NCAM2: variants seen among roughly 807,000 people sequenced by gnomAD.
The protein encoded by NCAM2 is neural cell adhesion molecule 2.
Under a neutral mutation model 98.1 loss-of-function variants are expected in NCAM2, and 30 were observed. That is an observed-to-expected ratio of 0.31 (90% CI 0.23 to 0.41). The LOEUF (loss-of-function observed/expected upper bound fraction) is 0.41. NCAM2 is among the 10% of genes least tolerant of loss of function. The pLI is 1.00. For synonymous variants in NCAM2, 368 were observed against 342.4 expected (o/e 1.07, Z -0.83); for missense variants, 867 against 1,005.8 (o/e 0.86, Z 1.87).
intron 16 of NCAM2, among the ~76,000 whole-genome samples, chr21:21,514,334 G>T (rs2146369532): frequency 6.6e-6 from 1 of 151,504 alleles, no homozygotes; most frequent in South Asian, 2.1e-4. Context: ...ACATTAGCTA[G>T]GCATGGTGGT....
At chr21:21,452,624 A>G (rs1372116388) in intron 12 of NCAM2, among the ~76,000 whole-genome samples, 1 of 114,066 alleles carries the variant, frequency 8.8e-6, no homozygotes, top group Non-Finnish European at 1.7e-5. Context: ...TATAATATAT[A>G]CAATATATTA....
rs920129083 is a variant in NCAM2 at position 21,212,675 on chromosome 21, A to G, written c.56-67903A>G. Among the ~76,000 whole-genome samples, 10 of 152,184 alleles carry G rather than the reference A, an allele frequency of 6.6e-5. No individual in the cohort carries two copies. In the South Asian group the frequency reaches 1.7e-3, roughly 25 times the overall value. ...AAAATGTTATCAGTGGAGGAATTGGACAAAATGTACATGAGGTGTCTCTAT... is the reference window on the plus strand; with the variant it reads ...AAAATGTTATCAGTGGAGGAATTGGGCAAAATGTACATGAGGTGTCTCTAT... On this transcript the variant is annotated intron_variant, in intron 1 of 17. Transcript: ENST00000400546.
intron 1 of NCAM2, among the ~76,000 whole-genome samples, chr21:20,998,989 C>A (rs1003396723): frequency 6.6e-6 from 1 of 151,936 alleles, no homozygotes; most frequent in Non-Finnish European, 1.5e-5. Context: ...GGAAAGGGCA[C>A]GATGGTGTTT....
intron 6 of NCAM2, among the ~76,000 whole-genome samples, chr21:21,325,727 T>C (rs1293274705): frequency 6.6e-6 from 1 of 152,212 alleles, no homozygotes. Flanking sequence ...TTTTTTCCTA[T>C]GGTTTTGTAT....
chr21:21,209,351 G>T (rs1358157795), intron 1 of NCAM2, among the ~76,000 whole-genome samples: 1 of 152,272 alleles, frequency 6.6e-6, no homozygotes, highest in Middle Eastern at 3.4e-3. Context: ...AGATAGCTCC[G>T]ACTATAGATG....
At chr21:21,114,571 A>G (rs941536727) in intron 1 of NCAM2, among the ~76,000 whole-genome samples, 2 of 152,184 alleles carry the variant, frequency 1.3e-5, no homozygotes, top group Admixed American at 1.3e-4. Context: ...GCTGTTTCTT[A>G]AGTCTAAAGA....
chr21:21,511,161 A>G (rs1448187904), intron 16 of NCAM2, among the ~76,000 whole-genome samples: 1 of 152,016 alleles, frequency 6.6e-6, no homozygotes, highest in Non-Finnish European at 1.5e-5. Flanking sequence ...TAAATATCTG[A>G]TACATTATTT....
At chr21:21,268,828 C>T (rs923518211) in intron 1 of NCAM2, among the ~76,000 whole-genome samples, 3 of 152,130 alleles carry the variant, frequency 2.0e-5, no homozygotes, top group African/African-American at 7.2e-5. Context: ...GCAGCATCAA[C>T]AAAATAGCAC....
chr21:21,121,828 T>C (rs1370754671), intron 1 of NCAM2, among the ~76,000 whole-genome samples: 1 of 152,192 alleles, frequency 6.6e-6, no homozygotes, highest in East Asian at 1.9e-4. Flanking sequence ...TGTGTTACGA[T>C]TGGGTATATG....
At chr21:21,139,238 C>G (rs192090305) in intron 1 of NCAM2, among the ~76,000 whole-genome samples, 1 of 152,154 alleles carries the variant, frequency 6.6e-6, no homozygotes, top group African/African-American at 2.4e-5. Context: ...CAAGGCTTGG[C>G]GAAGGCCACC....
intron 1 of NCAM2, among the ~76,000 whole-genome samples, chr21:21,264,122 T>C (rs750203761): frequency 3.3e-5 from 5 of 152,094 alleles, no homozygotes; most frequent in Non-Finnish European, 5.9e-5. Context: ...ACCCAGAATC[T>C]ATAGGGAACT....
chr21:21,118,105 C>T (rs1334606609), intron 1 of NCAM2, among the ~76,000 whole-genome samples: 1 of 152,122 alleles, frequency 6.6e-6, no homozygotes, highest in African/African-American at 2.4e-5. Flanking sequence ...TTCACTTGCT[C>T]AAGCACCTAC....
At chr21:21,501,257 GT>G (rs1455152941) in intron 15 of NCAM2, among the ~76,000 whole-genome samples, 1 of 151,930 alleles carries the variant, frequency 6.6e-6, no homozygotes, top group East Asian at 1.9e-4. Context: ...TCTCAGAAAT[GT>G]TAATTGGTTT....
At chr21:21,249,072 A>C (rs2071389247) in intron 1 of NCAM2, among the ~76,000 whole-genome samples, 1 of 152,154 alleles carries the variant, frequency 6.6e-6, no homozygotes, top group African/African-American at 2.4e-5. Context: ...ACCAATTATG[A>C]GGTAAAAATA....
Position 21,268,008 on chromosome 21 carries a change from A to G in NCAM2, c.56-12570A>G, listed in dbSNP as rs2072351229. 2.6e-5 allele frequency among the ~76,000 whole-genome samples: 4 copies of G among 152,096 alleles called. No individual in the cohort carries two copies. The South Asian group carries it at 8.3e-4, about 31-fold the overall frequency. ...TGGCTACTGGTGGACCCTTAGATAC[A>G]TGCTCATATTCTGCTCATTGGTTCG... On this transcript the variant is annotated intron_variant, in intron 1 of 17. Transcript: ENST00000400546.
At chr21:21,506,893 T>A (rs556854242) in intron 15 of NCAM2, among the ~76,000 whole-genome samples, 2 of 152,252 alleles carry the variant, frequency 1.3e-5, no homozygotes, top group South Asian at 4.1e-4. Context: ...TATACTTGCT[T>A]GGACATGAGC....
At chr21:21,477,633 C>T (rs1309167901) in intron 15 of NCAM2, among the ~76,000 whole-genome samples, 162 bp downstream of exon 15, 1 of 152,078 alleles carries the variant, frequency 6.6e-6, no homozygotes, top group Non-Finnish European at 1.5e-5. Flanking sequence ...TCTCATCGCT[C>T]TTGCCATAGG....
At chr21:21,293,058 A>G (rs1204713530) in intron 5 of NCAM2, among the ~76,000 whole-genome samples, 1 of 151,756 alleles carries the variant, frequency 6.6e-6, no homozygotes, top group Non-Finnish European at 1.5e-5. Context: ...CATGGGGAAA[A>G]CCGCCTCCAT....
intron 1 of NCAM2, among the ~76,000 whole-genome samples, chr21:21,038,598 G>T (rs2064844416): frequency 6.6e-6 from 1 of 152,184 alleles, no homozygotes; most frequent in Admixed American, 6.5e-5. Flanking sequence ...CTGCTGCCAA[G>T]TGAAGAAGGA....
Sources: allele counts gnomAD v4.1 joint callset (sites outside exome capture counted in the v4.1 genomes callset), GRCh38; gene constraint gnomAD v4.1.1; transcripts MANE v1.5; gene names NCBI Gene and HGNC (gene_info 2026-07-23, HGNC 2026-07-21).